The following GRAMD1B variants were observed in gnomAD, a reference collection of about 807,000 sequenced individuals.
GRAMD1B encodes the protein protein Aster-B.
Under a neutral mutation model 99.7 loss-of-function variants are expected in GRAMD1B, and 37 were observed. That is an observed-to-expected ratio of 0.37 (90% CI 0.29 to 0.49). The LOEUF (loss-of-function observed/expected upper bound fraction) is 0.49, where lower values mean the gene tolerates loss of function less well. Among genes scored for constraint, GRAMD1B ranks in the 20% least tolerant of loss-of-function variants. The pLI, the probability that GRAMD1B is intolerant of heterozygous loss-of-function variation, is 0.98. For missense variants in GRAMD1B, 888 were observed against 1,009.2 expected (o/e 0.88, Z 1.63); for synonymous variants, 427 against 387.6 (o/e 1.10, Z -1.19).
chr11:123,370,366 A>G (rs1312748604), intron 1 of GRAMD1B, among the ~76,000 whole-genome samples: 1 of 129,078 alleles, frequency 7.7e-6, no homozygotes, highest in Non-Finnish European at 1.6e-5. Flanking sequence ...TTTGAGACAG[A>G]TTCTCACTCT....
chr11:123,486,296 C>T (rs981285531), intron 2 of GRAMD1B, among the ~76,000 whole-genome samples: 1 of 152,094 alleles, frequency 6.6e-6, no homozygotes, highest in Non-Finnish European at 1.5e-5. Flanking sequence ...CCCTGCAATC[C>T]CAGCACTTGG....
At chr11:123,559,874 G>A (rs1381816601) in intron 2 of GRAMD1B, among the ~76,000 whole-genome samples, 1 of 152,224 alleles carries the variant, frequency 6.6e-6, no homozygotes, top group East Asian at 1.9e-4. Context: ...GGCCGTGAGA[G>A]AGCCGCCATC....
chr11:123,584,538 A>G (rs1592137044), intron 4 of GRAMD1B, among the ~76,000 whole-genome samples: 2 of 148,930 alleles, frequency 1.3e-5, no homozygotes, highest in East Asian at 4.0e-4. Context: ...CAGGGGACCA[A>G]GGAGGCGTGG....
intron 2 of GRAMD1B, among the ~76,000 whole-genome samples, chr11:123,533,607 A>C (rs1185479192): frequency 2.0e-5 from 3 of 151,954 alleles, no homozygotes; most frequent in African/African-American, 7.3e-5. Flanking sequence ...TTGTATTTTT[A>C]ATAGAGACAA....
At chr11:123,371,205 G>A (rs1175592817) in intron 1 of GRAMD1B, among the ~76,000 whole-genome samples, 2 of 152,060 alleles carry the variant, frequency 1.3e-5, no homozygotes, top group Admixed American at 1.3e-4. Flanking sequence ...TTGAATTGTT[G>A]AGAGGGTGAC....
At chr11:123,605,622 G>A in intron 10 of GRAMD1B, 144 bp downstream of exon 10, 1 of 672,312 alleles carries the variant, frequency 1.5e-6, no homozygotes, top group Non-Finnish European at 2.5e-6. Context: ...GCATTCTGGA[G>A]CAGATGGGCT....
chr11:123,557,799 T>C (rs944646279), intron 2 of GRAMD1B, among the ~76,000 whole-genome samples: 3 of 152,130 alleles, frequency 2.0e-5, no homozygotes, highest in African/African-American at 7.2e-5. Context: ...ACTAACAATG[T>C]AAGCCCATAT....
chr11:123,550,076 G>A (rs540452873), intron 2 of GRAMD1B, among the ~76,000 whole-genome samples: 67 of 152,280 alleles, frequency 4.4e-4, no homozygotes, highest in African/African-American at 1.5e-3. Context: ...CCGTACCTCC[G>A]TGCCATCCTA....
At chr11:123,449,209 C>T (rs964744608) in intron 1 of GRAMD1B, among the ~76,000 whole-genome samples, 20 of 152,278 alleles carry the variant, frequency 1.3e-4, no homozygotes, top group Admixed American at 7.2e-4. Flanking sequence ...AGTGTGATAA[C>T]GTGCTCGCAT....
intron 2 of GRAMD1B, among the ~76,000 whole-genome samples, chr11:123,548,444 G>A (rs1945298504): frequency 6.6e-6 from 1 of 150,758 alleles, no homozygotes; most frequent in Non-Finnish European, 1.5e-5. Context: ...AGAAAGCCAG[G>A]CAACAGACAG....
chr11:123,397,183 C>G (rs1247781378), intron 1 of GRAMD1B, among the ~76,000 whole-genome samples: 3 of 152,132 alleles, frequency 2.0e-5, no homozygotes, highest in Non-Finnish European at 4.4e-5. Context: ...GCGGGAGGAT[C>G]ACCTGAGGTC....
At chr11:123,585,809 C>T (rs931133008) in intron 4 of GRAMD1B, among the ~76,000 whole-genome samples, 14 of 152,212 alleles carry the variant, frequency 9.2e-5, no homozygotes, top group Non-Finnish European at 2.9e-5. Context: ...CAGACATCTC[C>T]GTTTGGACAG....
rs1940906889 is a variant in GRAMD1B at position 123,510,711 on chromosome 11, C to T, written c.452+29818C>T. On this transcript the variant is annotated intron_variant, in intron 2 of 19. Coordinates refer to ENST00000635736, the MANE Select transcript of GRAMD1B (RefSeq NM_001387025.1). The surrounding 1 kb of genome is among the most constrained non-coding windows in gnomAD (Gnocchi z 4.3). ...CGACAGCAAAGGTAGGATGGAAATG[C>T]TGCCGGCCGCACTGTGCGTAAGTGG... Among the ~76,000 whole-genome samples the T allele has an allele frequency of 6.6e-6, 1 of 152,218 alleles. No homozygotes were observed. Among genetic ancestry groups the T allele is most frequent in the Non-Finnish European group, 1.5e-5 (1 of 68,048 alleles).
At chr11:123,507,722 T>C (rs1940579326) in intron 2 of GRAMD1B, among the ~76,000 whole-genome samples, 1 of 152,168 alleles carries the variant, frequency 6.6e-6, no homozygotes, top group Non-Finnish European at 1.5e-5. Context: ...GTCCCAAGAT[T>C]TTTTCCTTAA....
intron 1 of GRAMD1B, among the ~76,000 whole-genome samples, chr11:123,449,714 C>CTTTTTTTTTTTTTGTTTTTTTTTTT: frequency 1.0e-5 from 1 of 99,988 alleles, no homozygotes; most frequent in Non-Finnish European, 2.1e-5. Context: ...CCATGCCTGG[C>CTTTTTTTTTTTTTGTTTTTTTTTTT]TTTTTTTTTT....
At chr11:123,599,303 A>G in intron 7 of GRAMD1B, 1 of 720,192 alleles carries the variant, frequency 1.4e-6, no homozygotes, top group Non-Finnish European at 2.6e-6. Flanking sequence ...TGACCTCCAT[A>G]TACCTATCTT....
intron 1 of GRAMD1B, among the ~76,000 whole-genome samples, chr11:123,394,694 A>C (rs1335502607): frequency 1.3e-5 from 2 of 152,152 alleles, no homozygotes; most frequent in Non-Finnish European, 2.9e-5. Context: ...GCCTTAAATC[A>C]TTTTGTGCTG....
At chr11:123,617,460 A>G (rs1954587289) in intron 17 of GRAMD1B, among the ~76,000 whole-genome samples, 1 of 152,168 alleles carries the variant, frequency 6.6e-6, no homozygotes, top group Non-Finnish European at 1.5e-5. Flanking sequence ...AAGTGCTGGG[A>G]TTACAGGCGT....
chr11:123,559,575 T>C (rs1946482823), intron 2 of GRAMD1B: 1 of 585,604 alleles, frequency 1.7e-6, no homozygotes, highest in Non-Finnish European at 2.2e-6. Context: ...AACTTTCCTC[T>C]GGGGGCTGTC....
Sources: allele counts gnomAD v4.1 joint callset (sites outside exome capture counted in the v4.1 genomes callset), GRCh38; gene constraint gnomAD v4.1.1; non-coding constraint Gnocchi (gnomAD v3.1); transcripts MANE v1.5; gene names NCBI Gene and HGNC (gene_info 2026-07-23, HGNC 2026-07-21).